NRXN3: variants seen among roughly 807,000 people sequenced by gnomAD.
NRXN3 encodes the protein neurexin 3.
In NRXN3, 32 loss-of-function variants were observed where a neutral mutation model predicts 137.6. The observed-to-expected ratio is 0.23, with a 90% CI of 0.18 to 0.31. The LOEUF (loss-of-function observed/expected upper bound fraction) is 0.31, where lower values mean the gene tolerates loss of function less well. NRXN3 is among the 10% of genes least tolerant of loss of function. NRXN3 has a pLI of 1.00. For synonymous variants in NRXN3, 798 were observed against 784.5 expected (o/e 1.02, Z -0.29); for missense variants, 1,574 against 2,062.5 (o/e 0.76, Z 4.59).
chr14:78,710,024 AT>A (rs1442368812), intron 7 of NRXN3: 9 of 226,022 alleles, frequency 4.0e-5, no homozygotes, highest in African/African-American at 1.8e-4. Flanking sequence ...ATGGAAACCG[AT>A]TGTGACATCA....
chr14:78,312,607 G>A (rs181403086), intron 4 of NRXN3, among the ~76,000 whole-genome samples: 1 of 151,410 alleles, frequency 6.6e-6, no homozygotes, highest in Admixed American at 6.6e-5. Context: ...AAGTGAGAGT[G>A]TATTTATCTT....
chr14:79,257,352 G>GTGGTGGTGGTGGTGGTGGTGGTGGTGA (rs2076724814), intron 15 of NRXN3, among the ~76,000 whole-genome samples: 1 of 73,862 alleles, frequency 1.4e-5, no homozygotes, highest in African/African-American at 5.5e-5. Context: ...CCTGGTGGTG[G>GTGGTGGTGGTGGTGGTGGTGGTGGTGA]TGGTGGTGGT....
rs191966234 is a variant in NRXN3, at chr14:79,831,899, G to A, written c.4093+26709G>A. Among the ~76,000 whole-genome samples, 276 of 152,120 alleles carry A rather than the reference G, an allele frequency of 1.8e-3. 2 individuals are homozygous for A. The highest frequency in any genetic ancestry group is 6.3e-3 in the African/African-American group (263 of 41,514). On this transcript the variant is annotated intron_variant, in intron 20 of 20. Coordinates refer to ENST00000335750, the MANE Select transcript of NRXN3 (RefSeq NM_001330195.2). ...TTCATGTCTTCTGTGAGCCCCCCAC[G>A]TTTATCTCAGGGTGGATTCTAACAC...
At chr14:78,182,957 G>T (rs1335038125) in intron 1 of NRXN3, among the ~76,000 whole-genome samples, 1 of 152,164 alleles carries the variant, frequency 6.6e-6, no homozygotes, top group African/African-American at 2.4e-5. Context: ...CTGTGCGATG[G>T]CACAGTTCCC....
intron 19 of NRXN3, among the ~76,000 whole-genome samples, chr14:79,733,467 T>C (rs922749506): frequency 3.3e-5 from 5 of 152,090 alleles, no homozygotes; most frequent in African/African-American, 7.2e-5. Flanking sequence ...AGAGAAAACG[T>C]GCCGCTAAAA....
At chr14:79,779,453 A>G (rs2099107243) in intron 19 of NRXN3, among the ~76,000 whole-genome samples, 1 of 152,168 alleles carries the variant, frequency 6.6e-6, no homozygotes, top group African/African-American at 2.4e-5. Flanking sequence ...TGCTTTAAAT[A>G]AATTCATCCT....
intron 16 of NRXN3, among the ~76,000 whole-genome samples, chr14:79,580,438 T>G (rs114823548): frequency 5.0e-5 from 6 of 121,032 alleles, no homozygotes; most frequent in Non-Finnish European, 6.4e-5. Context: ...AGATTATGTT[T>G]TTTTTTTTTT....
At chr14:78,932,939 C>T (rs984377169) in intron 10 of NRXN3, among the ~76,000 whole-genome samples, 3 of 152,154 alleles carry the variant, frequency 2.0e-5, no homozygotes, top group Non-Finnish European at 4.4e-5. Flanking sequence ...TATGACATCC[C>T]AACACACACT....
chr14:79,709,681 G>A (rs2098795510), intron 19 of NRXN3, among the ~76,000 whole-genome samples: 5 of 152,022 alleles, frequency 3.3e-5, no homozygotes, highest in African/African-American at 1.2e-4. Context: ...GATACTGAGA[G>A]AGACACATAT....
At chr14:79,489,140 T>C (rs1299922532) in intron 16 of NRXN3, among the ~76,000 whole-genome samples, 1 of 152,192 alleles carries the variant, frequency 6.6e-6, no homozygotes, top group African/African-American at 2.4e-5. Flanking sequence ...ATATATAGGA[T>C]TGTTAAATAA....
At chr14:79,622,150 C>T (rs1216172131) in intron 16 of NRXN3, among the ~76,000 whole-genome samples, 1 of 152,162 alleles carries the variant, frequency 6.6e-6, no homozygotes, top group African/African-American at 2.4e-5. Flanking sequence ...TATGGTTTAG[C>T]TCATAGTCCA....
At chr14:78,809,551 C>G (rs186917499) in intron 9 of NRXN3, among the ~76,000 whole-genome samples, 3 of 152,144 alleles carry the variant, frequency 2.0e-5, no homozygotes, top group Non-Finnish European at 4.4e-5. Flanking sequence ...ACCCTACACC[C>G]GACCCCACCT....
At chr14:78,661,524 C>T (rs1002603272) in intron 6 of NRXN3, among the ~76,000 whole-genome samples, 2 of 152,198 alleles carry the variant, frequency 1.3e-5, no homozygotes, top group African/African-American at 4.8e-5. Context: ...CTTGAAGAGA[C>T]ATAAGAGAAC....
intron 1 of NRXN3, among the ~76,000 whole-genome samples, chr14:78,203,834 GTGTGGTT>G (rs1183695527): frequency 7.7e-5 from 6 of 77,504 alleles, no homozygotes; most frequent in Admixed American, 1.3e-4. Flanking sequence ...GTGTGTGTGT[GTGTGGTT>G]TGTGTGTGTG....
At chr14:78,550,590 T>C (rs996239045) in intron 4 of NRXN3, among the ~76,000 whole-genome samples, 2 of 152,148 alleles carry the variant, frequency 1.3e-5, no homozygotes, top group Admixed American at 1.3e-4. Context: ...GTTGAGAATG[T>C]ATTTTTGTGT....
chr14:78,862,574 A>G (rs940855249), intron 10 of NRXN3, among the ~76,000 whole-genome samples: 1 of 152,118 alleles, frequency 6.6e-6, no homozygotes, highest in Admixed American at 6.6e-5. Context: ...ATTCGTATTT[A>G]TATAATGTAT....
chr14:78,343,307 G>C (rs2082345874), intron 4 of NRXN3, among the ~76,000 whole-genome samples: 1 of 152,130 alleles, frequency 6.6e-6, no homozygotes, highest in Admixed American at 6.5e-5. Context: ...TTCTATCTAT[G>C]ATGAGGGTCA....
chr14:78,963,067 C>A (rs1334804522), intron 11 of NRXN3, among the ~76,000 whole-genome samples: 4 of 152,102 alleles, frequency 2.6e-5, no homozygotes, highest in African/African-American at 9.7e-5. Context: ...TCCTGAACTC[C>A]CAGTTTGTGT....
intron 6 of NRXN3, among the ~76,000 whole-genome samples, chr14:78,701,504 A>G (rs558213203): frequency 1.5e-3 from 228 of 152,268 alleles, no homozygotes; most frequent in African/African-American, 5.4e-3. Context: ...TTTTTTCAGA[A>G]TGAGGTATGG....
Sources: gnomAD v4.1 joint callset for allele counts (sites outside exome capture counted in the v4.1 genomes callset) on GRCh38, gnomAD v4.1.1 for gene constraint, MANE v1.5 for transcripts, NCBI Gene and HGNC (gene_info 2026-07-23, HGNC 2026-07-21) for gene names.